LRP1B: variants seen among roughly 807,000 people sequenced by gnomAD.
LRP1B encodes the protein LDL receptor related protein 1B.
Under a neutral mutation model 556.6 loss-of-function variants are expected in LRP1B, and 217 were observed. The ratio of observed to expected loss-of-function variants is 0.39; its 90% CI spans 0.35 to 0.44. The LOEUF is 0.44. Among genes scored for constraint, LRP1B ranks in the 20% least tolerant of loss-of-function variants. LRP1B has a pLI of 1.00. For synonymous variants in LRP1B, 2,047 were observed against 1,865.8 expected, an observed-to-expected ratio of 1.10 and a Z score of -2.50; for missense variants, 5,053 against 5,620.8, an observed-to-expected ratio of 0.90 and a Z score of 3.23.
chr2:141,578,374 G>A (rs1686835187), intron 2 of LRP1B, among the ~76,000 whole-genome samples: 1 of 149,980 alleles, frequency 6.7e-6, no homozygotes, highest in Non-Finnish European at 1.5e-5. Flanking sequence ...TCCAGCCTGG[G>A]TGACAGGGCG....
intron 3 of LRP1B, among the ~76,000 whole-genome samples, chr2:141,337,951 G>A (rs558652367): frequency 7.9e-5 from 12 of 152,222 alleles, no homozygotes; most frequent in South Asian, 2.1e-4. Context: ...TATATTTTCC[G>A]AATGATGTTA....
intron 35 of LRP1B, among the ~76,000 whole-genome samples, chr2:140,731,922 G>A (rs951108110): frequency 7.2e-5 from 11 of 152,030 alleles, no homozygotes; most frequent in African/African-American, 2.7e-4. Flanking sequence ...TAAGTTAAAT[G>A]ACCAAAATAG....
intron 49 of LRP1B, among the ~76,000 whole-genome samples, chr2:140,522,605 A>G (rs569324719): frequency 6.6e-6 from 1 of 151,972 alleles, no homozygotes; most frequent in East Asian, 1.9e-4. Context: ...CCAAAACTAT[A>G]CAAGGATCAA....
intron 20 of LRP1B, among the ~76,000 whole-genome samples, chr2:140,930,793 G>T (rs574705434): frequency 6.6e-6 from 1 of 152,184 alleles, no homozygotes; most frequent in South Asian, 2.1e-4. Flanking sequence ...TCTGTTCTTA[G>T]CTTTTCTGTG....
At chr2:141,973,964 A>C (rs1009814073) in intron 1 of LRP1B, among the ~76,000 whole-genome samples, 1 of 151,876 alleles carries the variant, frequency 6.6e-6, no homozygotes, top group Non-Finnish European at 1.5e-5. Flanking sequence ...TGTCTCACCC[A>C]GTCATTCTGG....
chr2:142,103,478 C>G (rs1706638290), intron 1 of LRP1B, among the ~76,000 whole-genome samples: 1 of 151,772 alleles, frequency 6.6e-6, no homozygotes, highest in Admixed American at 6.6e-5. Flanking sequence ...AATAAAGAAA[C>G]CTAACTCTAA....
intron 3 of LRP1B, among the ~76,000 whole-genome samples, chr2:141,414,850 G>A (rs575205711): frequency 4.3e-4 from 66 of 152,102 alleles, no homozygotes; most frequent in Admixed American, 7.9e-4. Flanking sequence ...AACCCTAAAT[G>A]TTCAACAGAA....
At chr2:142,067,219 C>T (rs956798411) in intron 1 of LRP1B, among the ~76,000 whole-genome samples, 1 of 151,330 alleles carries the variant, frequency 6.6e-6, no homozygotes, top group Admixed American at 6.6e-5. Flanking sequence ...TCTCAAAATC[C>T]TTAACTTAAT....
At chr2:140,418,040 C>T (rs1258060068) in intron 66 of LRP1B, among the ~76,000 whole-genome samples, 3 of 152,124 alleles carry the variant, frequency 2.0e-5, no homozygotes, top group African/African-American at 4.8e-5. Context: ...CACATTTCAG[C>T]GACACAGAAT....
chr2:141,597,184 C>T (rs1361495791), intron 2 of LRP1B, among the ~76,000 whole-genome samples: 1 of 151,930 alleles, frequency 6.6e-6, no homozygotes, highest in Non-Finnish European at 1.5e-5. Flanking sequence ...ATGTCAACCA[C>T]CAGTTTGAAG....
intron 66 of LRP1B, among the ~76,000 whole-genome samples, chr2:140,431,117 T>C (rs1486113775): frequency 2.0e-5 from 3 of 152,184 alleles, no homozygotes; most frequent in Non-Finnish European, 2.9e-5. Flanking sequence ...CCTTTATTAG[T>C]CAAATCAGCA....
At chr2:140,587,428 A>G (rs1311725291) in intron 43 of LRP1B, among the ~76,000 whole-genome samples, 1 of 152,200 alleles carries the variant, frequency 6.6e-6, no homozygotes, top group East Asian at 1.9e-4. Flanking sequence ...GATTTGTGAC[A>G]ACATGGGTGA....
rs143621866 is a variant in LRP1B at position 140,754,064 on chromosome 2, T to G, written c.5758+15149A>C. Among the ~76,000 whole-genome samples the G allele has an allele frequency of 3.9e-3, 593 of 152,160 alleles. 5 individuals carry two copies. Among genetic ancestry groups the G allele is most frequent in the African/African-American group, 0.012 (508 of 41,514 alleles). ...TACTGCCAGAGTACTGACTCAGAGA[T>G]TTTGCTCACAGGTAGAAGCAGTCCA... On this transcript the variant is annotated intron_variant, in intron 35 of 90. Transcript: ENST00000389484.
chr2:141,734,174 G>A (rs969889554), intron 2 of LRP1B, among the ~76,000 whole-genome samples: 7 of 151,906 alleles, frequency 4.6e-5, no homozygotes, highest in African/African-American at 1.2e-4. Context: ...ATTAATTGAC[G>A]AATTAATCTC....
In LRP1B at chr2:140,499,982, A is replaced by G. The variant is rs147125999; in HGVS notation, c.8850+1705T>C. 2.6e-3 allele frequency among the ~76,000 whole-genome samples: 389 copies of G among 152,066 alleles called. 3 individuals carry two copies. The highest frequency in any genetic ancestry group is 4.7e-3 in the Non-Finnish European group (318 of 67,878). Reference sequence around the variant, plus strand: ...GGAAAGATTTCTATGTTAATTGTACACAAGTGATCAATAACATTTCTTTTC... The same window carrying G: ...GGAAAGATTTCTATGTTAATTGTACGCAAGTGATCAATAACATTTCTTTTC... On this transcript the variant is annotated intron_variant, in intron 55 of 90. Transcript: ENST00000389484.
At chr2:141,852,826 A>T (rs1040794938) in intron 1 of LRP1B, among the ~76,000 whole-genome samples, 5 of 151,860 alleles carry the variant, frequency 3.3e-5, no homozygotes, top group Middle Eastern at 3.4e-3. Flanking sequence ...TAAAAATGCC[A>T]AAAGAAAACC....
At chr2:140,341,358 C>G (rs745535108) in intron 77 of LRP1B, among the ~76,000 whole-genome samples, 26 of 151,388 alleles carry the variant, frequency 1.7e-4, no homozygotes, top group Non-Finnish European at 3.7e-4. Flanking sequence ...AAAGGGGTCA[C>G]CTTGTAGGCT....
At chr2:141,302,899 A>G (rs1436847097) in intron 3 of LRP1B, among the ~76,000 whole-genome samples, 1 of 152,098 alleles carries the variant, frequency 6.6e-6, no homozygotes, top group Non-Finnish European at 1.5e-5. Flanking sequence ...CTTGTGCAAT[A>G]TCAATAATTA....
intron 86 of LRP1B, among the ~76,000 whole-genome samples, chr2:140,254,001 A>G (rs994315784): frequency 2.6e-5 from 4 of 152,156 alleles, no homozygotes; most frequent in Admixed American, 1.3e-4. Flanking sequence ...TGCCATACAG[A>G]TAAGGTAGCT....
Sources: gnomAD v4.1 joint callset for allele counts (sites outside exome capture counted in the v4.1 genomes callset) on GRCh38, gnomAD v4.1.1 for gene constraint, MANE v1.5 for transcripts, NCBI Gene and HGNC (gene_info 2026-07-23, HGNC 2026-07-21) for gene names.